ZNF594: variants seen among roughly 807,000 people sequenced by gnomAD.
The protein encoded by ZNF594 is zinc finger protein 594, also known as zinc finger protein HZF18.
For missense variants in ZNF594, 1,037 were observed against 964.6 expected (o/e 1.08, Z -0.99); for synonymous variants, 336 against 309.4 (o/e 1.09, Z -0.90).
At chr17:5,175,669 C>T (rs903760621), downstream of ZNF594, among the ~76,000 whole-genome samples, 7 of 151,986 alleles carry the variant, frequency 4.6e-5, no homozygotes, top group Non-Finnish European at 2.9e-5. Context: ...CATTTTTGTG[C>T]AGATCAGGAG....
Position 5,183,334 on chromosome 17 carries a change from G to A in ZNF594, c.923C>T (p.Ser308Phe). 2 of 1,613,918 alleles carry A rather than the reference G, an allele frequency of 1.2e-6. No individual in the cohort carries two copies. Among genetic ancestry groups the A allele is most frequent in the African/African-American group, 1.3e-5 (1 of 75,054 alleles). ...GAGTCTCTGGTGTTCAGTAAGGTGA[G>A]AATGCTGCCTGAAGGCTTTTTCACA... ...NECEKAFRQH[S>F]HLTEHQRLHS... The change falls in exon 2 of 2, where the codon TCT (serine) becomes TTT (phenylalanine). Residue 308 changes from serine (S) to phenylalanine (F), a missense_variant. Ser to Phe is a radical substitution (Grantham distance 155). Coordinates refer to ENST00000575779, the MANE Select transcript of ZNF594 (RefSeq NM_032530.2).
At chr17:5,189,953 A>G (rs1331780203) in intron 1 of ZNF594, among the ~76,000 whole-genome samples, 1 of 152,226 alleles carries the variant, frequency 6.6e-6, no homozygotes, top group Admixed American at 6.5e-5. Flanking sequence ...TAATCACTAC[A>G]AGGTCACAAT....
chr17:5,181,589 T>C lies in ZNF594; in HGVS notation c.*244A>G, dbSNP rs774482467. 3.2e-5 allele frequency: 51 copies of C among 1,613,106 alleles called. No homozygotes were observed. Among genetic ancestry groups the C allele is most frequent in the Non-Finnish European group, 4.2e-5 (49 of 1,179,226 alleles). ...TCTCACCACTATGAATTCTCCGACG[T>C]TGAATAAGGAGTGAACGCCGCCTGA... On this transcript the variant is annotated 3_prime_UTR_variant, in exon 2 of 2. Coordinates refer to ENST00000575779, the MANE Select transcript of ZNF594 (RefSeq NM_032530.2).
Position 5,182,315 on chromosome 17 carries a change from C to G in ZNF594, c.1942G>C (p.Gly648Arg), listed in dbSNP as rs1446104125. ...TCACTACATTCATAGGGTTTCTCTC[C>G]AGTATGAATACGATGGTGTTTAATA... ...DLIKHHRIHTGEKPYECSECG... is the reference protein window; with the variant it reads ...DLIKHHRIHTREKPYECSECG... The change falls in exon 2 of 2, where the codon GGA becomes CGA. Residue 648 changes from glycine (G) to arginine (R), a missense_variant. Transcript: ENST00000575779. The G allele has an allele frequency of 6.2e-7, 1 of 1,613,518 alleles. No homozygotes were observed. The highest frequency in any genetic ancestry group is 8.5e-7 in the Non-Finnish European group (1 of 1,179,974).
chr17:5,189,228 G>A (rs909567045), intron 1 of ZNF594, among the ~76,000 whole-genome samples: 5 of 149,132 alleles, frequency 3.4e-5, no homozygotes, highest in Admixed American at 2.0e-4. Flanking sequence ...TTATAGGTGT[G>A]AGCCACTGTG....
At chr17:5,174,814 CTTG>C (rs926850864), downstream of ZNF594, 6 of 195,530 alleles carry the variant, frequency 3.1e-5, no homozygotes, top group African/African-American at 9.2e-5. Flanking sequence ...CTGTATAAAA[CTTG>C]TTGACAATGC....
In ZNF594 at chr17:5,181,119, A is replaced by G. The variant is rs565175692; in HGVS notation, c.*714T>C. On this transcript the variant is annotated 3_prime_UTR_variant, in exon 2 of 2. Transcript: ENST00000575779. ...ACTGACAAGGTGTGAGTTCTGACTG[A>G]AGGCCTTCCAACATTCAGGGCATTC... The G allele has an allele frequency of 1.3e-6, 2 of 1,563,352 alleles. No homozygotes were observed. The highest frequency in any genetic ancestry group is 1.3e-5 in the African/African-American group (1 of 74,110).
Position 5,183,389 on chromosome 17 carries a change from T to G in ZNF594, c.868A>C (p.Thr290Pro). 6.2e-7 allele frequency: 1 copy of G among 1,613,782 alleles called. No homozygotes were observed. The highest frequency in any genetic ancestry group is 8.5e-7 in the Non-Finnish European group (1 of 1,180,028). Residue 290 changes from threonine to proline, a missense_variant, in exon 2 of 2, where the codon ACT (threonine) becomes CCT (proline). Physicochemically the swap from Thr to Pro is conservative, Grantham distance 38 (BLOSUM62 -1). Transcript: ENST00000575779. The part of the protein sequence containing the change: ...SHLVPHQRIH[T>P]GEKPLKCNEC... Reference sequence around the variant, plus strand: ...TTACATTTGAGGGGTTTCTCTCCAGTGTGAATTCTCTGATGTGGGACAAGG... The same window carrying G: ...TTACATTTGAGGGGTTTCTCTCCAGGGTGAATTCTCTGATGTGGGACAAGG...
rs868751142 is a variant in ZNF594 at position 5,188,834 on chromosome 17, G to A, written c.-21+2914C>T. 3.6e-4 allele frequency among the ~76,000 whole-genome samples: 54 copies of A among 148,180 alleles called. 1 individual carries two copies. Among genetic ancestry groups the A allele is most frequent in the Non-Finnish European group, 7.4e-5 (5 of 67,354 alleles). On this transcript the variant is annotated intron_variant, in intron 1 of 1. Transcript: ENST00000575779. ...GCGATCTCGGCTCACTGCAAGCTCC[G>A]CCTCCCGGGTTCACGCCATTCTCCT...
chr17:5,188,904 C>T (rs897335555), intron 1 of ZNF594, among the ~76,000 whole-genome samples: 27 of 151,864 alleles, frequency 1.8e-4, no homozygotes, highest in Middle Eastern at 3.4e-3. Flanking sequence ...CCCACCAGTA[C>T]GCCCAGCTAA....
chr17:5,182,950 T>C lies in ZNF594; in HGVS notation c.1307A>G (p.Lys436Arg). The part of the protein sequence containing the change: ...HSGEKPCVCS[K>R]CGKSFRGSSD... ...GCTGCCCCTAAAAGATTTCCCACAT[T>C]TGCTACATACACAAGGTTTTTCTCC... The change falls in exon 2 of 2, where the codon AAA becomes AGA. Residue 436 changes from lysine to arginine, a missense_variant. Transcript: ENST00000575779. 1 of 1,614,090 alleles carries C rather than the reference T, an allele frequency of 6.2e-7. No individual in the cohort carries two copies. Among genetic ancestry groups the C allele is most frequent in the Non-Finnish European group, 8.5e-7 (1 of 1,180,000 alleles).
In ZNF594 at chr17:5,181,850, G is replaced by T. The variant is rs149179379; in HGVS notation, c.2407C>A (p.Pro803Thr). 974 of 1,613,948 alleles carry T rather than the reference G, an allele frequency of 6.0e-4. 7 individuals carry two copies. In the African/African-American group the frequency reaches 0.012, roughly 19 times the overall value. The change falls in exon 2 of 2, where the codon CCT becomes ACT. Residue 803 changes from proline to threonine, a missense_variant. By Grantham distance (38) the Pro-to-Thr change is conservative. Transcript: ENST00000575779. Reference protein sequence around the residue: ...ECGKTQSELRPSETS With the variant: ...ECGKTQSELRTSETS ...TGTGAATTCTATGATGTCTCAGAAG[G>T]TCTGAGCTCTGATTGAGTTTTCCCA...
chr17:5,182,699 C>T lies in ZNF594; in HGVS notation c.1558G>A (p.Glu520Lys), dbSNP rs763399437. 2 of 1,613,736 alleles carry T rather than the reference C, an allele frequency of 1.2e-6. No individual in the cohort carries two copies. The highest frequency in any genetic ancestry group is 3.3e-5 in the Admixed American group (2 of 59,986). Residue 520 changes from glutamate to lysine, a missense_variant, in exon 2 of 2, where the codon GAA becomes AAA. Coordinates refer to ENST00000575779, the MANE Select transcript of ZNF594 (RefSeq NM_032530.2). Reference protein sequence around the residue: ...HSGEKPYECKECGKLFIWRTA... With the variant: ...HSGEKPYECKKCGKLFIWRTA... The stretch of plus-strand genomic sequence containing the variant: ...CGCCAAATGAAGAGCTTCCCACATT[C>T]CTTACATTCATAGGGTTTCTCACCA...
intron 1 of ZNF594, among the ~76,000 whole-genome samples, chr17:5,185,965 C>T (rs1234921909): frequency 1.3e-5 from 2 of 152,206 alleles, no homozygotes; most frequent in African/African-American, 4.8e-5. Flanking sequence ...TCCCTCCTGG[C>T]TGCTTTCACG....
Position 5,182,706 on chromosome 17 carries a change from T to C in ZNF594, c.1551A>G (p.Glu517=). The C allele has an allele frequency of 6.2e-7, 1 of 1,613,994 alleles. No homozygotes were observed. The highest frequency in any genetic ancestry group is 8.5e-7 in the Non-Finnish European group (1 of 1,180,008). ...TGAAGAGCTTCCCACATTCCTTACA[T>C]TCATAGGGTTTCTCACCACTATGAA... The part of the protein sequence containing the change: ...RRIHSGEKPY[E]CKECGKLFIW... Residue 517 remains glutamate (E), a synonymous_variant, in exon 2 of 2, where the codon GAA becomes GAG. Coordinates refer to ENST00000575779, the MANE Select transcript of ZNF594 (RefSeq NM_032530.2).
rs781015608 is a variant in ZNF594, at chr17:5,182,155, A to T, written c.2102T>A (p.Leu701His). Residue 701 changes from leucine (L) to histidine (H), a missense_variant, in exon 2 of 2, where the codon CTT becomes CAT. Transcript: ENST00000575779. ...RRSLLIQHRR[L>H]HSGEKPYECK... ...TTCATAGGGTTTCTCACCACTATGAAGTCTCCGATGTTGAATAAGGAGGGA... is the reference window on the plus strand; with the variant it reads ...TTCATAGGGTTTCTCACCACTATGATGTCTCCGATGTTGAATAAGGAGGGA... 6.2e-7 allele frequency: 1 copy of T among 1,613,550 alleles called. No individual in the cohort carries two copies. Among genetic ancestry groups the T allele is most frequent in the East Asian group, 2.2e-5 (1 of 44,852 alleles).
rs1430974322 is a variant in ZNF594, at chr17:5,180,645, C to T, written c.*1188G>A. 2.8e-5 allele frequency: 6 copies of T among 216,700 alleles called. No individual in the cohort carries two copies. 13.4% of individuals were successfully genotyped at this position (216,700 alleles called of 1,614,324 possible). A position where few individuals can be genotyped will look rare whatever the true frequency, so the allele number is the denominator to read the frequency against. On this transcript the variant is annotated 3_prime_UTR_variant, in exon 2 of 2. Transcript: ENST00000575779. ...CCCAAGAGTTCAAGTCCAGCCTGGG[C>T]AACATAGTGAGACCTCATCTCTTTG...
chr17:5,190,299 C>T (rs1199808219), intron 1 of ZNF594, among the ~76,000 whole-genome samples: 4 of 151,932 alleles, frequency 2.6e-5, no homozygotes, highest in Non-Finnish European at 4.4e-5. Flanking sequence ...ACCTGGGAGG[C>T]GGAGGTTGCA....
intron 1 of ZNF594, 67 bp from the exon 2 acceptor site, chr17:5,184,343 C>A (rs1426578208): frequency 2.1e-6 from 3 of 1,459,062 alleles, no homozygotes; most frequent in Non-Finnish European, 2.7e-6. Context: ...TTATACTGGG[C>A]AGTCTAAGAG....
Sources: gnomAD v4.1 joint callset for allele counts (sites outside exome capture counted in the v4.1 genomes callset) on GRCh38, gnomAD v4.1.1 for gene constraint, MANE v1.5 for transcripts, NCBI Gene and HGNC (gene_info 2026-07-23, HGNC 2026-07-21) for gene names.